Variants in ALG6 observed in about 807,000 individuals in gnomAD.
ALG6 encodes dolichyl pyrophosphate Man9GlcNAc2 alpha-1,3-glucosyltransferase.
Under a neutral mutation model 66.6 loss-of-function variants are expected in ALG6, and 46 were observed. The ratio of observed to expected loss-of-function variants is 0.69; its 90% CI spans 0.55 to 0.88. The LOEUF is 0.88. Among genes scored for constraint, ALG6 ranks in the 40% least tolerant of loss-of-function variants. The probability of loss-of-function intolerance (pLI) is 0.00; values close to 1 mark genes in which losing one functional copy is unlikely to be tolerated. For synonymous variants in ALG6, 185 were observed against 203.7 expected, an observed-to-expected ratio of 0.91 and a Z score of 0.78; for missense variants, 505 against 586.8, an observed-to-expected ratio of 0.86 and a Z score of 1.44.
chr1:63,417,233 A>AT (rs1644550089), intron 11 of ALG6, among the ~76,000 whole-genome samples: 1 of 152,164 alleles, frequency 6.6e-6, no homozygotes, highest in African/African-American at 2.4e-5. Context: ...CTTGTGATAG[A>AT]TTGTTGTTTT....
intron 12 of ALG6, among the ~76,000 whole-genome samples, chr1:63,422,309 A>ATATATT (rs1644586969): frequency 1.2e-5 from 1 of 84,904 alleles, no homozygotes; most frequent in African/African-American, 6.2e-5. Context: ...ATATAAATAT[A>ATATATT]TATCTATATA....
chr1:63,380,435 GTAACTTATAATATTACTTT>G (rs141311143), intron 2 of ALG6, among the ~76,000 whole-genome samples: 1,586 of 152,278 alleles, frequency 0.01, 25 homozygotes, highest in African/African-American at 0.035. Context: ...CATAAAATAT[GTAACTTATAATATTACTTT>G]TAGTCCATAA....
intron 12 of ALG6, 40 bp downstream of exon 12, chr1:63,419,480 A>G: frequency 7.2e-7 from 1 of 1,381,382 alleles, no homozygotes; most frequent in South Asian, 1.3e-5. Context: ...ATTTGTTTAT[A>G]ATATAACTTT....
At chr1:63,376,300 G>GT (rs1648124152) in intron 2 of ALG6, among the ~76,000 whole-genome samples, 1 of 152,184 alleles carries the variant, frequency 6.6e-6, no homozygotes, top group Non-Finnish European at 1.5e-5. Flanking sequence ...TTAAAATACA[G>GT]TATGATTATC....
At chr1:63,384,193 G>A (rs376378312) in intron 2 of ALG6, among the ~76,000 whole-genome samples, 344 of 152,272 alleles carry the variant, frequency 2.3e-3, no homozygotes, top group African/African-American at 8.0e-3. Context: ...TTTTACCTGG[G>A]TGAGATGATG....
chr1:63,431,407 A>G (rs1204637999), intron 14 of ALG6, among the ~76,000 whole-genome samples: 1 of 152,132 alleles, frequency 6.6e-6, no homozygotes, highest in Non-Finnish European at 1.5e-5. Flanking sequence ...TCTGCATATC[A>G]ATTTGTGGAA....
At chr1:63,382,563 T>A (rs978033267) in intron 2 of ALG6, among the ~76,000 whole-genome samples, 3 of 151,708 alleles carry the variant, frequency 2.0e-5, no homozygotes, top group African/African-American at 7.3e-5. Context: ...CAACTCTGCC[T>A]CCCGAGTTCA....
intron 12 of ALG6, among the ~76,000 whole-genome samples, chr1:63,422,156 T>TATATATAAATATAA (rs1644578993): frequency 1.3e-4 from 2 of 15,540 alleles, no homozygotes; most frequent in South Asian, 4.8e-3. Context: ...TAAATATAAA[T>TATATATAAATATAA]ATATATATAA....
In ALG6 at chr1:63,401,614, T is replaced by A. The variant is rs182991988; in HGVS notation, c.168-640T>A. Among the ~76,000 whole-genome samples, 585 of 150,368 alleles carry A rather than the reference T, an allele frequency of 3.9e-3. 3 individuals carry two copies. Among genetic ancestry groups the A allele is most frequent in the African/African-American group, 0.013 (535 of 41,092 alleles). ...AAAAAAAAAACCCAGGAGGCGGAAG[T>A]TGCAGTGAGCCGAGATTGCGCCACT... On this transcript the variant is annotated intron_variant, in intron 3 of 14. Coordinates refer to ENST00000263440, the MANE Select transcript of ALG6 (RefSeq NM_013339.4).
At chr1:63,412,127 T>C (rs570008398) in intron 9 of ALG6, 66 bp downstream of exon 9, 3 of 1,606,138 alleles carry the variant, frequency 1.9e-6, no homozygotes, top group African/African-American at 1.3e-5. Flanking sequence ...AGGGGTTTCA[T>C]GTAGAAGGTA....
chr1:63,417,999 G>A (rs1032843942), intron 11 of ALG6, among the ~76,000 whole-genome samples: 8 of 151,932 alleles, frequency 5.3e-5, no homozygotes, highest in East Asian at 1.9e-4. Context: ...GCCAGGCGTC[G>A]TGGTTCATGC....
Position 63,414,142 on chromosome 1 carries a change from A to T in ALG6, c.898A>T (p.Met300Leu). ...DILPRHIQLI[M>L]SFCSTFLSLL... Reference sequence around the variant, plus strand: ...TTTGCCACGTCACATCCAATTAATAATGAGGTAAGAGAAACAAAGTTTGTA... The same window carrying T: ...TTTGCCACGTCACATCCAATTAATATTGAGGTAAGAGAAACAAAGTTTGTA... The change falls in exon 10 of 15, where the codon ATG (methionine) becomes TTG (leucine). Residue 300 changes from methionine to leucine, a missense_variant. Met to Leu is a conservative substitution (Grantham distance 15, BLOSUM62 2). Coordinates refer to ENST00000263440, the MANE Select transcript of ALG6 (RefSeq NM_013339.4). 1 of 1,599,378 alleles carries T rather than the reference A, an allele frequency of 6.3e-7. No individual in the cohort carries two copies. The highest frequency in any genetic ancestry group is 8.6e-7 in the Non-Finnish European group (1 of 1,166,850).
intron 12 of ALG6, among the ~76,000 whole-genome samples, chr1:63,425,933 A>C (rs764234265): frequency 6.6e-6 from 1 of 152,158 alleles, no homozygotes; most frequent in African/African-American, 2.4e-5. Flanking sequence ...CGGAGTTGGA[A>C]TATCCAAAAG....
chr1:63,407,005 C>A, intron 6 of ALG6, 57 bp from the exon 7 acceptor site: 1 of 1,358,792 alleles, frequency 7.4e-7, no homozygotes, highest in Non-Finnish European at 1.1e-6. Flanking sequence ...CACACTTTTA[C>A]CCTGCTTGAT....
Position 63,406,458 on chromosome 1 carries a change from T to G in ALG6, c.429+59T>G, listed in dbSNP as rs149560767. The stretch of plus-strand genomic sequence containing the variant: ...GAAATGTATTCTTTATTAGTCTAAC[T>G]ATTAAGTATAGACCTTAGAGAAGCC... On this transcript the variant is annotated intron_variant, in intron 6 of 14. Transcript: ENST00000263440. 4.0e-4 allele frequency: 561 copies of G among 1,402,654 alleles called. 6 individuals carry two copies. In the East Asian group the frequency reaches 0.012, roughly 31 times the overall value. 86.9% of individuals were successfully genotyped at this position (1,402,654 alleles called of 1,614,324 possible).
At chr1:63,411,827 C>T in intron 8 of ALG6, 99 bp from the exon 9 acceptor site, 1 of 1,478,672 alleles carries the variant, frequency 6.8e-7, no homozygotes, top group Non-Finnish European at 9.4e-7. Flanking sequence ...TTTGGCATTA[C>T]TATACATGTG....
chr1:63,409,831 T>A (rs1199297615), intron 7 of ALG6, among the ~76,000 whole-genome samples: 1 of 152,196 alleles, frequency 6.6e-6, no homozygotes, highest in East Asian at 1.9e-4. Context: ...ATTGAGATGC[T>A]TAAATGTCAG....
At chr1:63,426,987 G>A (rs1644618254) in intron 12 of ALG6, among the ~76,000 whole-genome samples, 1 of 152,084 alleles carries the variant, frequency 6.6e-6, no homozygotes, top group Non-Finnish European at 1.5e-5. Context: ...CTCAAGCAGT[G>A]AAATGGAAAG....
At chr1:63,375,315 G>A (rs1266029934) in intron 2 of ALG6, among the ~76,000 whole-genome samples, 1 of 150,910 alleles carries the variant, frequency 6.6e-6, no homozygotes, top group East Asian at 2.0e-4. Context: ...TGCAATCTCG[G>A]CTCACTACAA....
Sources: gnomAD v4.1 joint callset for allele counts (sites outside exome capture counted in the v4.1 genomes callset) on GRCh38, gnomAD v4.1.1 for gene constraint, MANE v1.5 for transcripts, NCBI Gene and HGNC (gene_info 2026-07-23, HGNC 2026-07-21) for gene names.